Variants in CEP164 observed in about 807,000 individuals in gnomAD.
The protein encoded by CEP164 is centrosomal protein 164.
A neutral mutation model predicts 182.7 loss-of-function variants in CEP164; 162 were observed. The observed-to-expected ratio is 0.89, with a 90% confidence interval of 0.78 to 1.01. The LOEUF is 1.01. Ranked by LOEUF, CEP164 falls within the 50% of genes least tolerant of loss-of-function variation. The pLI is 0.00. For missense variants in CEP164, 1,735 were observed against 1,790.4 expected (o/e 0.97, Z 0.56); for synonymous variants, 661 against 690.0 (o/e 0.96, Z 0.66).
At chr11:117,393,184 C>T (rs2044930035) in intron 20 of CEP164, 58 bp downstream of exon 20, 3 of 1,582,598 alleles carry the variant, frequency 1.9e-6, no homozygotes, top group Middle Eastern at 3.8e-4. Context: ...CATGCACGCA[C>T]ATGCACACAC....
Position 117,392,986 on chromosome 11 carries a change from C to G in CEP164, c.2494-18C>G, listed in dbSNP as rs1246026847. On this transcript the variant is annotated intron_variant, in intron 19 of 32. Coordinates refer to ENST00000278935, the MANE Select transcript of CEP164 (RefSeq NM_014956.5). ...CGCCTCGGTTCTTCATGCCACATCC[C>G]TGCCATCTCCCCTGCAGCTCAGCAG... 2 of 1,612,118 alleles carry G rather than the reference C, an allele frequency of 1.2e-6. No homozygotes were observed. The highest frequency in any genetic ancestry group is 1.7e-6 in the Non-Finnish European group (2 of 1,179,434).
At chr11:117,332,235 A>T (rs2036337318) in intron 1 of CEP164, among the ~76,000 whole-genome samples, 2 of 152,072 alleles carry the variant, frequency 1.3e-5, no homozygotes, top group Non-Finnish European at 2.9e-5. Context: ...TGGCCCTCAG[A>T]AGTTTGTGGT....
chr11:117,339,487 C>T (rs542695222), intron 3 of CEP164, among the ~76,000 whole-genome samples: 2 of 145,334 alleles, frequency 1.4e-5, no homozygotes, highest in East Asian at 4.1e-4. Context: ...AAGCACTTTG[C>T]ATGTATTACC....
Position 117,381,717 on chromosome 11 carries a change from C to T in CEP164, c.1426C>T (p.Pro476Ser), listed in dbSNP as rs1447077514. 6.2e-7 allele frequency: 1 copy of T among 1,609,968 alleles called. No homozygotes were observed. Among genetic ancestry groups the T allele is most frequent in the Non-Finnish European group, 8.5e-7 (1 of 1,178,408 alleles). ...GLEERLSPPLPHEERAQSPPR... is the reference protein window; with the variant it reads ...GLEERLSPPLSHEERAQSPPR... The stretch of plus-strand genomic sequence containing the variant: ...CCTGACCAGGTTATCTCCTCCACTT[C>T]CACACGAGGAGCGGGCCCAGAGTCC... The change falls in exon 13 of 33, where the codon CCA (proline) becomes TCA (serine). Residue 476 changes from proline to serine, a missense_variant. Pro to Ser is a moderately conservative substitution (Grantham distance 74). Coordinates refer to ENST00000278935, the MANE Select transcript of CEP164 (RefSeq NM_014956.5).
chr11:117,408,807 C>A, intron 28 of CEP164, 83 bp from the exon 29 acceptor site: 1 of 1,571,250 alleles, frequency 6.4e-7, no homozygotes, highest in Non-Finnish European at 8.7e-7. Context: ...AGCTCAGTGT[C>A]CCAGCCACTT....
chr11:117,394,609 G>C lies in CEP164; in HGVS notation c.2760+116G>C. 1 of 1,355,018 alleles carries C rather than the reference G, an allele frequency of 7.4e-7. No individual in the cohort carries two copies. The highest frequency in any genetic ancestry group is 1.0e-6 in the Non-Finnish European group (1 of 1,000,448). 83.9% of individuals were successfully genotyped at this position (1,355,018 alleles called of 1,614,324 possible). A position where few individuals can be genotyped will look rare whatever the true frequency, so the allele number is the denominator to read the frequency against. On this transcript the variant is annotated intron_variant, in intron 21 of 32. Coordinates refer to ENST00000278935, the MANE Select transcript of CEP164 (RefSeq NM_014956.5). This position sits in a 1 kb window ranked among gnomAD's most constrained non-coding sequence, Gnocchi z 4.0. ...CAGCCTGACAGCTTCTGGAGTGAGA[G>C]TCTCTCACTGGCCATCTCCAAGCTG... is the stretch of plus-strand genomic sequence containing the variant.
In CEP164 at chr11:117,411,098, G is replaced by C. The variant is rs571761252; in HGVS notation, c.4163+204G>C. 1.2e-5 allele frequency: 7 copies of C among 560,174 alleles called. No individual in the cohort carries two copies. The Admixed American group carries it at 1.7e-4, about 14-fold the overall frequency. 34.7% of individuals were successfully genotyped at this position (560,174 alleles called of 1,614,324 possible). ...ACCAGGGGAAAGTCAAGTTCACACC[G>C]CCAAGGTCCCAGTGGGGAAGGGCTG... On this transcript the variant is annotated intron_variant, in intron 31 of 32. Coordinates refer to ENST00000278935, the MANE Select transcript of CEP164 (RefSeq NM_014956.5). This position sits in a 1 kb window ranked among gnomAD's most constrained non-coding sequence, Gnocchi z 4.4.
At chr11:117,383,340 AT>A (rs1355565716) in intron 14 of CEP164, among the ~76,000 whole-genome samples, 1 of 152,212 alleles carries the variant, frequency 6.6e-6, no homozygotes, top group Admixed American at 6.5e-5. Flanking sequence ...GAAAGTTTGC[AT>A]CTGTGCACAC....
chr11:117,400,472 C>CT (rs1565611067), intron 27 of CEP164, among the ~76,000 whole-genome samples: 1 of 152,098 alleles, frequency 6.6e-6, no homozygotes, highest in Non-Finnish European at 1.5e-5. Flanking sequence ...TATACAGGCT[C>CT]TTTTTTGGTT....
rs1254810750 is a variant in CEP164 at position 117,344,151 on chromosome 11, T to G, written c.83-15T>G. 7 of 1,531,306 alleles carry G rather than the reference T, an allele frequency of 4.6e-6. No individual in the cohort carries two copies. The East Asian group carries it at 1.6e-4, about 35-fold the overall frequency. 94.9% of individuals were successfully genotyped at this position (1,531,306 alleles called of 1,614,324 possible). A position where few individuals can be genotyped will look rare whatever the true frequency, so the allele number is the denominator to read the frequency against. On this transcript the variant is annotated splice_polypyrimidine_tract_variant and intron_variant, in intron 3 of 32. Transcript: ENST00000278935. The stretch of plus-strand genomic sequence containing the variant: ...TTCATCTCTCTTACTTTCCCACCTC[T>G]GCCTCTCCTTGCAGAAATTCTTGAA...
At chr11:117,329,970 A>G (rs2035941580) in intron 1 of CEP164, among the ~76,000 whole-genome samples, 1 of 151,304 alleles carries the variant, frequency 6.6e-6, no homozygotes, top group Admixed American at 6.6e-5. Flanking sequence ...AGTTCCTGTA[A>G]CATAGGAAGT....
chr11:117,389,132 A>T (rs2136284021), intron 15 of CEP164, among the ~76,000 whole-genome samples: 1 of 152,248 alleles, frequency 6.6e-6, no homozygotes, highest in Non-Finnish European at 1.5e-5. Context: ...AAAGAATCCT[A>T]AGTCTTTTTT....
chr11:117,352,570 A>T (rs899312996), intron 5 of CEP164, among the ~76,000 whole-genome samples: 1 of 152,158 alleles, frequency 6.6e-6, no homozygotes, highest in African/African-American at 2.4e-5. Flanking sequence ...ACTGAAGTTT[A>T]ACTGCAATGT....
intron 1 of CEP164, among the ~76,000 whole-genome samples, chr11:117,335,277 A>G (rs1451658815): frequency 6.6e-6 from 1 of 152,134 alleles, no homozygotes; most frequent in Non-Finnish European, 1.5e-5. Flanking sequence ...ACTTCAGCTT[A>G]TGTACTGTTG....
At chr11:117,348,752 TCCC>T (rs1295022263) in intron 4 of CEP164, among the ~76,000 whole-genome samples, 1 of 152,166 alleles carries the variant, frequency 6.6e-6, no homozygotes, top group African/African-American at 2.4e-5. Flanking sequence ...AATGTTTTCA[TCCC>T]CAAACTGAAA....
Position 117,397,100 on chromosome 11 carries a change from C to T in CEP164, c.3288C>T (p.Ser1096=). ...AACTCTCCTGCTCCAGCCTGTCCTC[C>T]CACAATGTCTGGCACCTCCTCTCTG... is the stretch of plus-strand genomic sequence containing the variant. The part of the protein sequence containing the change: ...KEDLYLDSLS[S]HNVWHLLSAE... Residue 1096 remains serine, a synonymous_variant, in exon 27 of 33, where the codon TCC becomes TCT. Coordinates refer to ENST00000278935, the MANE Select transcript of CEP164 (RefSeq NM_014956.5). The T allele has an allele frequency of 1.9e-6, 3 of 1,613,858 alleles. No individual in the cohort carries two copies. The highest frequency in any genetic ancestry group is 2.5e-6 in the Non-Finnish European group (3 of 1,179,866).
In CEP164 at chr11:117,343,629, C is replaced by CTT. The variant is rs558296878; in HGVS notation, c.83-520_83-519dup. ...GTCTTGGTTTTATTTTATTTTTTGC[C>CTT]TTTTTTTTTTTTTTTTTTGAGACGA... On this transcript the variant is annotated intron_variant, in intron 3 of 32. Transcript: ENST00000278935. Among the ~76,000 whole-genome samples the CTT allele has an allele frequency of 3.0e-3, 394 of 129,682 alleles. 6 individuals are homozygous for CTT. The highest frequency in any genetic ancestry group is 8.5e-3 in the African/African-American group (294 of 34,466). 85.1% of individuals were successfully genotyped at this position (129,682 alleles called of 152,430 possible). A position where few individuals can be genotyped will look rare whatever the true frequency, so the allele number is the denominator to read the frequency against.
intron 10 of CEP164, among the ~76,000 whole-genome samples, chr11:117,374,711 G>T (rs2135989271): frequency 6.6e-6 from 1 of 152,362 alleles, no homozygotes; most frequent in Middle Eastern, 3.4e-3. Context: ...CCATGTCACA[G>T]CTCTCTCGGA....
chr11:117,410,150 G>A (rs908681291), intron 30 of CEP164, 185 bp downstream of exon 30: 1 of 720,658 alleles, frequency 1.4e-6, no homozygotes. Flanking sequence ...GGGTCCCTGG[G>A]GAAGGAGACA....
Sources: allele counts gnomAD v4.1 joint callset (sites outside exome capture counted in the v4.1 genomes callset), GRCh38; gene constraint gnomAD v4.1.1; non-coding constraint Gnocchi (gnomAD v3.1); transcripts MANE v1.5; gene names NCBI Gene and HGNC (gene_info 2026-07-23, HGNC 2026-07-21).